PLD1: variants seen among roughly 807,000 people sequenced by gnomAD.
PLD1 encodes the protein choline phosphatase 1.
A neutral mutation model predicts 137.1 loss-of-function variants in PLD1; 112 were observed. The observed-to-expected ratio is 0.82, with a 90% CI of 0.70 to 0.96. The LOEUF (loss-of-function observed/expected upper bound fraction) is 0.96, where lower values mean the gene tolerates loss of function less well. Ranked by LOEUF, PLD1 falls within the 40% of genes least tolerant of loss-of-function variation. The pLI, the probability that PLD1 is intolerant of heterozygous loss-of-function variation, is 0.00. For synonymous variants in PLD1, 431 were observed against 454.7 expected (o/e 0.95, Z 0.66); for missense variants, 1,321 against 1,342.0 (o/e 0.98, Z 0.24).
intron 18 of PLD1, 82 bp from the exon 19 acceptor site, chr3:171,674,695 T>C: frequency 2.5e-6 from 2 of 792,448 alleles, no homozygotes; most frequent in South Asian, 3.2e-5. Flanking sequence ...AAGAAATTCA[T>C]GCCCAGGTGC....
chr3:171,774,412 G>C (rs1722521170), intron 1 of PLD1, among the ~76,000 whole-genome samples: 1 of 152,192 alleles, frequency 6.6e-6, no homozygotes, highest in African/African-American at 2.4e-5. Context: ...ACATTGGAGG[G>C]ACTGCCTGCA....
In PLD1 at chr3:171,708,827, G is replaced by C; in HGVS notation, c.1073C>G (p.Ala358Gly). The C allele has an allele frequency of 6.4e-7, 1 of 1,571,802 alleles. No individual in the cohort carries two copies. The highest frequency in any genetic ancestry group is 1.7e-5 in the Admixed American group (1 of 59,928). ...TGCCACATCTTCAAAATATCCTTTG[G>C]CATTAACATACCTGAAAGACAAGTT... ...ENALAKWYVN[A>G]KGYFEDVANA... Residue 358 changes from alanine to glycine, a missense_variant, in exon 11 of 27, where the codon GCC becomes GGC. Physicochemically the swap from Ala to Gly is moderately conservative, Grantham distance 60. Coordinates refer to ENST00000351298, the MANE Select transcript of PLD1 (RefSeq NM_002662.5).
intron 17 of PLD1, among the ~76,000 whole-genome samples, chr3:171,677,165 C>CA (rs1218315675): frequency 6.6e-6 from 1 of 152,150 alleles, no homozygotes; most frequent in Non-Finnish European, 1.5e-5. Flanking sequence ...CAATGGCAGG[C>CA]AATGCCATCT....
chr3:171,736,225 G>A (rs1490761354), intron 3 of PLD1, among the ~76,000 whole-genome samples: 2 of 152,108 alleles, frequency 1.3e-5, no homozygotes, highest in Non-Finnish European at 2.9e-5. Context: ...AGTATACAGT[G>A]TATACTTGTA....
At chr3:171,774,350 G>A (rs1042579612) in intron 1 of PLD1, among the ~76,000 whole-genome samples, 3 of 152,166 alleles carry the variant, frequency 2.0e-5, no homozygotes, top group African/African-American at 7.2e-5. Context: ...AGGGTCCCCA[G>A]GGAGAGGGCA....
intron 21 of PLD1, among the ~76,000 whole-genome samples, chr3:171,655,760 AGAAT>A (rs1737137305): frequency 6.6e-6 from 1 of 152,238 alleles, no homozygotes. Context: ...GAGATTAACA[AGAAT>A]GCAGAGACGC....
intron 8 of PLD1, among the ~76,000 whole-genome samples, chr3:171,719,882 C>A (rs1717964315): frequency 2.0e-5 from 3 of 152,078 alleles, no homozygotes; most frequent in African/African-American, 4.8e-5. Context: ...TGCCTTACTA[C>A]AATTTGTCAA....
At chr3:171,737,432 A>T in intron 3 of PLD1, 100 bp downstream of exon 3, 1 of 1,062,438 alleles carries the variant, frequency 9.4e-7, no homozygotes, top group Non-Finnish European at 1.3e-6. Flanking sequence ...ACAAAAACCT[A>T]CAAACATGAT....
chr3:171,758,509 AC>A (rs1721183072), intron 1 of PLD1, among the ~76,000 whole-genome samples: 1 of 152,344 alleles, frequency 6.6e-6, no homozygotes, highest in Non-Finnish European at 1.5e-5. Flanking sequence ...TGGTCCATGG[AC>A]TAGCCTCGTA....
At chr3:171,732,733 A>G (rs1719044041) in intron 6 of PLD1, among the ~76,000 whole-genome samples, 1 of 152,128 alleles carries the variant, frequency 6.6e-6, no homozygotes, top group South Asian at 2.1e-4. Context: ...CATACGATAA[A>G]CCATGCATTC....
intron 23 of PLD1, among the ~76,000 whole-genome samples, chr3:171,629,102 T>C (rs1376621077): frequency 3.3e-5 from 5 of 150,636 alleles, no homozygotes; most frequent in Non-Finnish European, 5.9e-5. Context: ...TGATTGTATA[T>C]CTAGAAAACC....
At chr3:171,698,352 T>C (rs1715945548) in intron 12 of PLD1, among the ~76,000 whole-genome samples, 1 of 152,246 alleles carries the variant, frequency 6.6e-6, no homozygotes, top group Non-Finnish European at 1.5e-5. Context: ...TGGAATTCTA[T>C]TGATGAAACA....
chr3:171,700,315 A>AAC (rs573424146), intron 11 of PLD1, among the ~76,000 whole-genome samples: 1,853 of 126,896 alleles, frequency 0.015, 26 homozygotes, highest in African/African-American at 0.042. Context: ...CACACACACA[A>AAC]ACACACACAC....
chr3:171,620,054 C>A (rs1009360501), intron 24 of PLD1, among the ~76,000 whole-genome samples: 1 of 152,178 alleles, frequency 6.6e-6, no homozygotes, highest in Non-Finnish European at 1.5e-5. Context: ...TGATTCTTCA[C>A]AGATAAAAAT....
chr3:171,717,077 C>T (rs528133929), intron 8 of PLD1, among the ~76,000 whole-genome samples: 5 of 152,206 alleles, frequency 3.3e-5, no homozygotes, highest in South Asian at 2.1e-4. Flanking sequence ...TGTCTGTTTT[C>T]GTACCAGTAC....
intron 3 of PLD1, 103 bp from the exon 4 acceptor site, chr3:171,735,740 T>G (rs549896185): frequency 6.5e-5 from 42 of 647,028 alleles, no homozygotes; most frequent in Non-Finnish European, 1.1e-4. Flanking sequence ...TATACTTAAG[T>G]CCAGCCTACT....
intron 1 of PLD1, among the ~76,000 whole-genome samples, chr3:171,810,144 C>A (rs1019191433): frequency 1.3e-5 from 2 of 152,240 alleles, no homozygotes; most frequent in African/African-American, 4.8e-5. Flanking sequence ...GCGCTCCAGG[C>A]AGCCGCCCGC....
At chr3:171,692,300 G>C (rs1393845923) in intron 13 of PLD1, 32 bp downstream of exon 13, 2 of 1,013,138 alleles carry the variant, frequency 2.0e-6, no homozygotes, top group Non-Finnish European at 3.1e-6. Context: ...GAATAATAAA[G>C]AAACATTGGT....
intron 21 of PLD1, among the ~76,000 whole-genome samples, chr3:171,651,814 C>T (rs532394422): frequency 1.2e-4 from 18 of 152,134 alleles, no homozygotes; most frequent in Non-Finnish European, 1.9e-4. Context: ...ATGGCCCAGA[C>T]GGTTTTCATT....
Sources: gnomAD v4.1 joint callset for allele counts (sites outside exome capture counted in the v4.1 genomes callset) on GRCh38, gnomAD v4.1.1 for gene constraint, MANE v1.5 for transcripts, NCBI Gene and HGNC (gene_info 2026-07-23, HGNC 2026-07-21) for gene names.